SYNE1: variants seen among roughly 807,000 people sequenced by gnomAD.
SYNE1 encodes nesprin-1.
SYNE1 carries 616 observed loss-of-function variants against 1,111.0 expected under a neutral mutation model. The observed-to-expected ratio is 0.55, with a 90% CI of 0.52 to 0.59. The LOEUF (loss-of-function observed/expected upper bound fraction) is 0.59, where lower values mean the gene tolerates loss of function less well. Among genes scored for constraint, SYNE1 ranks in the 20% least tolerant of loss-of-function variants. The pLI is 0.00. For missense variants in SYNE1, 10,006 were observed against 10,417.0 expected, an observed-to-expected ratio of 0.96 and a Z score of 1.72; for synonymous variants, 3,855 against 3,825.8, an observed-to-expected ratio of 1.01 and a Z score of -0.28.
intron 87 of SYNE1, chr6:152,316,443 A>G (rs2095722358): frequency 4.3e-6 from 1 of 231,220 alleles, no homozygotes; most frequent in Non-Finnish European, 8.6e-6. Context: ...CAAATCACAC[A>G]GCCCTGCATG....
intron 3 of SYNE1, chr6:152,546,124 C>T (rs569185213): frequency 4.6e-5 from 7 of 152,108 alleles, no homozygotes; most frequent in African/African-American, 9.6e-5. Flanking sequence ...TTATATTATC[C>T]GGATTGCATA....
In SYNE1 at chr6:152,391,273, G is replaced by A. The variant is rs2097621388; in HGVS notation, c.8004+4C>T. ...TGTCAGTGTCTGGCTGGTGTCGCAT[G>A]TACCTGTATTTGTGACAGCCGTTTC... On this transcript the variant is annotated splice_donor_region_variant and intron_variant, in intron 52 of 145. Coordinates refer to ENST00000367255, the MANE Select transcript of SYNE1 (RefSeq NM_182961.4). The A allele has an allele frequency of 6.2e-7, 1 of 1,613,756 alleles. No individual in the cohort carries two copies. The highest frequency in any genetic ancestry group is 1.1e-5 in the South Asian group (1 of 91,082).
intron 116 of SYNE1, among the ~76,000 whole-genome samples, chr6:152,225,115 C>T (rs1038430577): frequency 1.3e-5 from 2 of 151,584 alleles, no homozygotes; most frequent in African/African-American, 4.8e-5. Flanking sequence ...TCATTATCCC[C>T]ATTTTATAGA....
At chr6:152,335,520 A>G (rs2096366040) in intron 76 of SYNE1, 1 of 152,192 alleles carries the variant, frequency 6.6e-6, no homozygotes, top group Non-Finnish European at 1.5e-5. Flanking sequence ...GCTTCTGAGA[A>G]AAAATAAATC....
At chr6:152,350,065 C>G (rs1369335851) in intron 72 of SYNE1, 103 bp downstream of exon 72, 1 of 1,407,244 alleles carries the variant, frequency 7.1e-7, no homozygotes, top group African/African-American at 1.4e-5. Flanking sequence ...ACCAGAGATG[C>G]ACCTGTGTGT....
At chr6:152,410,407 T>TAAAC (rs1235949166) in intron 42 of SYNE1, 10 of 151,070 alleles carry the variant, frequency 6.6e-5, no homozygotes, top group Admixed American at 2.0e-4. Context: ...TTTTTTTTTT[T>TAAAC]AAACAAACAA....
At chr6:152,254,746 C>A in intron 104 of SYNE1, 134 bp downstream of exon 104, 1 of 889,784 alleles carries the variant, frequency 1.1e-6, no homozygotes, top group African/African-American at 1.7e-5. Flanking sequence ...CAACCCCCTT[C>A]ATTTTCTACA....
chr6:152,450,504 AT>A, intron 27 of SYNE1, 120 bp downstream of exon 27: 1 of 1,008,986 alleles, frequency 9.9e-7, no homozygotes, highest in Non-Finnish European at 1.6e-6. Context: ...TAAATGAAGG[AT>A]TTTTGTACGA....
chr6:152,200,045 T>A (rs2075080344), intron 127 of SYNE1, among the ~76,000 whole-genome samples: 1 of 152,064 alleles, frequency 6.6e-6, no homozygotes, highest in Non-Finnish European at 1.5e-5. Context: ...CTGGAAAGAT[T>A]TTCCACTTTT....
rs760237153 is a variant in SYNE1, at chr6:152,220,905, C to G, written c.21798G>C (p.Leu7266Phe). Residue 7266 changes from leucine (L) to phenylalanine (F), a missense_variant, in exon 119 of 146, where the codon TTG becomes TTC. Leu to Phe is a conservative substitution (Grantham distance 22). Coordinates refer to ENST00000367255, the MANE Select transcript of SYNE1 (RefSeq NM_182961.4). ...QQQEDRTNEL[L>F]KAATNKDIAD... ...CAATGTCCTTGTTTGTGGCTGCCTT[C>G]AACAGCTCATTGGTTCGATCCTCCT... 7 of 1,614,042 alleles carry G rather than the reference C, an allele frequency of 4.3e-6. No individual in the cohort carries two copies. In the East Asian group the frequency reaches 1.6e-4, roughly 36 times the overall value.
chr6:152,397,074 A>C (rs2097744254), intron 49 of SYNE1, 94 bp from the exon 50 acceptor site: 1 of 1,320,016 alleles, frequency 7.6e-7, no homozygotes, highest in Non-Finnish European at 1.1e-6. Flanking sequence ...CAGAGTCCAA[A>C]GGAAAATGGC....
intron 2 of SYNE1, among the ~76,000 whole-genome samples, chr6:152,633,173 G>A (rs991156797): frequency 6.6e-6 from 1 of 152,218 alleles, no homozygotes; most frequent in African/African-American, 2.4e-5. Context: ...GAAGGAGAGG[G>A]AATGAAGAGT....
At chr6:152,457,020 T>C (rs551472753) in intron 22 of SYNE1, among the ~76,000 whole-genome samples, 8 of 152,294 alleles carry the variant, frequency 5.3e-5, no homozygotes, top group African/African-American at 1.9e-4. Flanking sequence ...ATTATTTTAA[T>C]TATGGAAAGA....
At chr6:152,532,769 G>A (rs2099210649) in intron 4 of SYNE1, among the ~76,000 whole-genome samples, 1 of 152,046 alleles carries the variant, frequency 6.6e-6, no homozygotes, top group Non-Finnish European at 1.5e-5. Context: ...TAAGTTTCAG[G>A]TAGGAATTAT....
intron 107 of SYNE1, among the ~76,000 whole-genome samples, chr6:152,241,547 A>G (rs1479795164): frequency 1.1e-5 from 1 of 89,698 alleles, no homozygotes. Context: ...GCATTCTTCT[A>G]CCATGGAGTA....
chr6:152,221,168 A>T (rs2080091415), intron 118 of SYNE1, 122 bp from the exon 119 acceptor site: 7 of 1,191,316 alleles, frequency 5.9e-6, no homozygotes, highest in Non-Finnish European at 8.4e-6. Flanking sequence ...TCTAGTTAAC[A>T]TAATAAAAAT....
At position 152,347,007 on chromosome 6, in the gene SYNE1, C is replaced by T. The variant is rs1036786372; in HGVS notation, c.12078+52G>A. On this transcript the variant is annotated intron_variant, in intron 73 of 145. Transcript: ENST00000367255. ...ATTTGTAAAAAGTCTCTAGACTGCA[C>T]AGCCTCTCCCCATAATTCCTTGTCA... 9.3e-6 allele frequency: 15 copies of T among 1,604,872 alleles called. No homozygotes were observed. In the East Asian group the frequency reaches 2.5e-4, roughly 26 times the overall value.
At chr6:152,384,203 C>T (rs185909581) in intron 55 of SYNE1, among the ~76,000 whole-genome samples, 50 of 152,314 alleles carry the variant, frequency 3.3e-4, no homozygotes, top group African/African-American at 1.0e-3. Flanking sequence ...CTGACAGACA[C>T]GGCTAGAAAG....
chr6:152,588,344 G>A (rs909543312), intron 3 of SYNE1, among the ~76,000 whole-genome samples: 13 of 152,170 alleles, frequency 8.5e-5, no homozygotes, highest in African/African-American at 2.7e-4. Context: ...AGCTTACACC[G>A]TGCTGGGCTA....
Sources: allele counts gnomAD v4.1 joint callset (sites outside exome capture counted in the v4.1 genomes callset), GRCh38; gene constraint gnomAD v4.1.1; transcripts MANE v1.5; gene names NCBI Gene and HGNC (gene_info 2026-07-23, HGNC 2026-07-21).